CADM2: variants seen among roughly 807,000 people sequenced by gnomAD.
CADM2 encodes immunoglobulin superfamily member 4D.
A neutral mutation model predicts 49.8 loss-of-function variants in CADM2; 12 were observed. The ratio of observed to expected loss-of-function variants is 0.24; its 90% CI spans 0.15 to 0.39. CADM2 has a LOEUF of 0.39. Ranked by LOEUF, CADM2 falls within the 10% of genes least tolerant of loss-of-function variation. The probability of loss-of-function intolerance (pLI) is 1.00; values close to 1 mark genes in which losing one functional copy is unlikely to be tolerated. For synonymous variants in CADM2, 214 were observed against 175.4 expected (o/e 1.22, Z -1.74); for missense variants, 378 against 492.3 (o/e 0.77, Z 2.20).
intron 1 of CADM2, among the ~76,000 whole-genome samples, chr3:85,095,740 T>C (rs551829514): frequency 6.6e-6 from 1 of 152,318 alleles, no homozygotes; most frequent in South Asian, 2.1e-4. Flanking sequence ...AATTTAGTTT[T>C]CCATAATTAT....
chr3:85,858,582 A>G (rs2075400866), intron 3 of CADM2, among the ~76,000 whole-genome samples: 1 of 152,224 alleles, frequency 6.6e-6, no homozygotes. Flanking sequence ...TGCCCGGAGG[A>G]AGCCCAGATG....
At chr3:86,045,272 A>G (rs1350652325) in intron 8 of CADM2, among the ~76,000 whole-genome samples, 1 of 152,104 alleles carries the variant, frequency 6.6e-6, no homozygotes, top group Non-Finnish European at 1.5e-5. Context: ...TACCATGGGA[A>G]CTGTCATTGA....
chr3:85,538,524 T>C (rs908837238), intron 1 of CADM2, among the ~76,000 whole-genome samples: 6 of 152,166 alleles, frequency 3.9e-5, no homozygotes, highest in African/African-American at 1.4e-4. Flanking sequence ...TGTTCATGTT[T>C]GTTTTAATGC....
chr3:85,904,884 T>C (rs1716582366), intron 5 of CADM2, among the ~76,000 whole-genome samples: 1 of 152,186 alleles, frequency 6.6e-6, no homozygotes, highest in Admixed American at 6.5e-5. Context: ...TTCTATTTTA[T>C]ATTCAAAAAA....
chr3:85,112,877 T>A (rs570955317), intron 1 of CADM2, among the ~76,000 whole-genome samples: 1 of 151,842 alleles, frequency 6.6e-6, no homozygotes, highest in Admixed American at 6.6e-5. Context: ...ACAGCTCAGA[T>A]AATATATACA....
chr3:85,492,836 G>T (rs961970146), intron 1 of CADM2, among the ~76,000 whole-genome samples: 1 of 152,044 alleles, frequency 6.6e-6, no homozygotes, highest in Admixed American at 6.6e-5. Context: ...AACAATAAAG[G>T]TGTCATCTGA....
chr3:85,756,141 G>T (rs898320198), intron 2 of CADM2, among the ~76,000 whole-genome samples: 5 of 149,496 alleles, frequency 3.3e-5, no homozygotes, highest in African/African-American at 1.2e-4. Context: ...TCTTGTGACA[G>T]GAGTCTAGGA....
At chr3:85,772,425 C>A (rs564356857) in intron 2 of CADM2, among the ~76,000 whole-genome samples, 1 of 152,014 alleles carries the variant, frequency 6.6e-6, no homozygotes, top group African/African-American at 2.4e-5. Flanking sequence ...ATGTGTCCAT[C>A]TAAGTAGAAT....
At position 85,999,291 on chromosome 3, in the gene CADM2, T is replaced by C. The variant is rs1451365796; in HGVS notation, c.970+37644T>C. On this transcript the variant is annotated intron_variant, in intron 8 of 9. Transcript: ENST00000383699. ...AGGGTTGGGGGGTGGATCACTTGAG[T>C]TCAGGAGTTCGAGACCATCCTGGTC... Among the ~76,000 whole-genome samples the C allele has an allele frequency of 8.0e-5, 12 of 149,932 alleles. 1 individual carries two copies. In the South Asian group the frequency reaches 2.5e-3, roughly 32 times the overall value.
intron 7 of CADM2, among the ~76,000 whole-genome samples, chr3:85,953,378 C>A (rs1327700478): frequency 6.6e-6 from 1 of 150,870 alleles, no homozygotes; most frequent in African/African-American, 2.4e-5. Context: ...TAACCCTATT[C>A]TCACTTCTTT....
At chr3:85,585,059 T>C (rs557536833) in intron 1 of CADM2, among the ~76,000 whole-genome samples, 1 of 152,070 alleles carries the variant, frequency 6.6e-6, no homozygotes, top group African/African-American at 2.4e-5. Flanking sequence ...AAATCAACAA[T>C]TCATACCTCT....
intron 1 of CADM2, among the ~76,000 whole-genome samples, chr3:85,133,644 C>A (rs1442437342): frequency 6.6e-6 from 1 of 152,158 alleles, no homozygotes; most frequent in Non-Finnish European, 1.5e-5. Context: ...TCGATTGGTG[C>A]ATTCACAAAC....
chr3:85,927,119 C>T (rs1048389365), intron 6 of CADM2, among the ~76,000 whole-genome samples: 11 of 152,022 alleles, frequency 7.2e-5, no homozygotes, highest in Admixed American at 5.9e-4. Flanking sequence ...TACATCAATG[C>T]GTATTATTTA....
intron 1 of CADM2, among the ~76,000 whole-genome samples, chr3:85,466,871 G>T (rs944245295): frequency 6.6e-6 from 1 of 151,944 alleles, no homozygotes; most frequent in East Asian, 1.9e-4. Context: ...GGAAGAAAGA[G>T]AAATTGCTTT....
At chr3:85,796,069 CT>C (rs2071601489) in intron 2 of CADM2, among the ~76,000 whole-genome samples, 1 of 152,128 alleles carries the variant, frequency 6.6e-6, no homozygotes, top group African/African-American at 2.4e-5. Context: ...CATCACTGCT[CT>C]TTTTCCACTT....
At chr3:85,354,473 T>C (rs574903291) in intron 1 of CADM2, among the ~76,000 whole-genome samples, 1 of 151,822 alleles carries the variant, frequency 6.6e-6, no homozygotes, top group South Asian at 2.1e-4. Context: ...CTGCACATTG[T>C]GCACATGTAC....
chr3:85,763,535 A>T (rs939543524), intron 2 of CADM2, among the ~76,000 whole-genome samples: 8 of 152,164 alleles, frequency 5.3e-5, no homozygotes, highest in Non-Finnish European at 4.4e-5. Context: ...GAGTGAAGAA[A>T]GTATCTCTTC....
At chr3:85,549,980 C>G (rs1475383143) in intron 1 of CADM2, among the ~76,000 whole-genome samples, 24 of 152,020 alleles carry the variant, frequency 1.6e-4, no homozygotes, top group Non-Finnish European at 1.5e-5. Flanking sequence ...ATAGTAACAG[C>G]TAACACATGT....
chr3:85,388,127 C>T (rs1015798008), intron 1 of CADM2, among the ~76,000 whole-genome samples: 2 of 152,106 alleles, frequency 1.3e-5, no homozygotes, highest in Non-Finnish European at 1.5e-5. Flanking sequence ...CTCCTGGGCT[C>T]GAGCGATACT....
Sources: gnomAD v4.1 joint callset for allele counts (sites outside exome capture counted in the v4.1 genomes callset) on GRCh38, gnomAD v4.1.1 for gene constraint, MANE v1.5 for transcripts, NCBI Gene and HGNC (gene_info 2026-07-23, HGNC 2026-07-21) for gene names.